The following GOLGB1 variants were observed in gnomAD, a reference collection of about 807,000 sequenced individuals.
GOLGB1 encodes the protein golgin subfamily B member 1.
GOLGB1 carries 174 observed loss-of-function variants against 336.9 expected under a neutral mutation model. The observed-to-expected ratio is 0.52, with a 90% CI of 0.46 to 0.59. GOLGB1 has a LOEUF of 0.59. Among genes scored for constraint, GOLGB1 ranks in the 20% least tolerant of loss-of-function variants. The probability of loss-of-function intolerance (pLI) is 0.00; values close to 1 mark genes in which losing one functional copy is unlikely to be tolerated. For synonymous variants in GOLGB1, 1,208 were observed against 1,289.2 expected, an observed-to-expected ratio of 0.94 and a Z score of 1.35; for missense variants, 3,331 against 3,645.3, an observed-to-expected ratio of 0.91 and a Z score of 2.22.
intron 14 of GOLGB1, among the ~76,000 whole-genome samples, chr3:121,686,564 T>C (rs1052049712): frequency 6.6e-6 from 1 of 152,176 alleles, no homozygotes; most frequent in Non-Finnish European, 1.5e-5. Context: ...CTTAGTCAGT[T>C]CTATGCTAAA....
rs1942991677 is a variant in GOLGB1, at chr3:121,696,856, G to A, written c.3667C>T (p.Gln1223Ter). The A allele has an allele frequency of 6.2e-7, 1 of 1,613,996 alleles. No homozygotes were observed. The highest frequency in any genetic ancestry group is 1.7e-5 in the Admixed American group (1 of 60,004). ...TTTTCCTTGCTTTGCTCATCAAACT[G>A]TTCTTGCAAGCGATTATAGTCATCT... Reference protein sequence around the residue: ...QKDDYNRLQEQFDEQSKENEN... With the variant: ...QKDDYNRLQE Residue 1223 changes from glutamine to a stop codon, truncating the protein, a stop_gained, in exon 13 of 22, where the codon CAG (glutamine) becomes TAG (stop). Coordinates refer to ENST00000614479, the MANE Select transcript of GOLGB1 (RefSeq NM_001366282.2). LOFTEE classifies it high-confidence loss of function.
At chr3:121,706,733 C>CAAAAAAAAAAAAA (rs1200925309) in intron 10 of GOLGB1, among the ~76,000 whole-genome samples, 3 of 16,158 alleles carry the variant, frequency 1.9e-4, no homozygotes, top group African/African-American at 2.6e-4. Flanking sequence ...GACTCTGTCT[C>CAAAAAAAAAAAAA]AAAAAAAAAA....
rs1942919949 is a variant in GOLGB1 at position 121,696,125 on chromosome 3, A to G, written c.4398T>C (p.Leu1466=). The change falls in exon 13 of 22, where the codon CTT becomes CTC. Residue 1466 remains leucine, a synonymous_variant. Coordinates refer to ENST00000614479, the MANE Select transcript of GOLGB1 (RefSeq NM_001366282.2). ...CTTCTGGTTTTTGCTTCATTTCACAAAGTTCCACCTGTAGCTGCTTTATCC... is the reference window on the plus strand; with the variant it reads ...CTTCTGGTTTTTGCTTCATTTCACAGAGTTCCACCTGTAGCTGCTTTATCC... The part of the protein sequence containing the change: ...DERIKQLQVE[L]CEMKQKPEEI... 1 of 1,613,874 alleles carries G rather than the reference A, an allele frequency of 6.2e-7. No individual in the cohort carries two copies. The highest frequency in any genetic ancestry group is 1.3e-5 in the African/African-American group (1 of 74,878).
rs564362585 is a variant in GOLGB1, at chr3:121,736,585, A to G, written c.-2-5612T>C. ...AAACTAAGAAACAGTCACAGATTAG[A>G]GAAGACAAGGAGACATGCTGATTAA... On this transcript the variant is annotated intron_variant, in intron 1 of 21. Coordinates refer to ENST00000614479, the MANE Select transcript of GOLGB1 (RefSeq NM_001366282.2). 8.5e-5 allele frequency among the ~76,000 whole-genome samples: 13 copies of G among 152,306 alleles called. No individual in the cohort carries two copies. In the South Asian group the frequency reaches 2.5e-3, roughly 29 times the overall value.
At chr3:121,730,239 T>C (rs1242810006) in intron 2 of GOLGB1, 1 of 384,062 alleles carries the variant, frequency 2.6e-6, no homozygotes, top group Non-Finnish European at 4.6e-6. Flanking sequence ...TAAGGTATTA[T>C]TATCCTAATT....
chr3:121,690,622 G>C, intron 14 of GOLGB1, 48 bp downstream of exon 14: 1 of 955,814 alleles, frequency 1.0e-6, no homozygotes, highest in Non-Finnish European at 1.5e-6. Flanking sequence ...TTTAAAGAAA[G>C]GTTCAAAAAC....
chr3:121,731,318 C>T (rs559292652), intron 1 of GOLGB1, among the ~76,000 whole-genome samples: 1 of 151,940 alleles, frequency 6.6e-6, no homozygotes. Flanking sequence ...CTTTAATGCC[C>T]TTCTTTCATA....
At chr3:121,737,745 T>C (rs1396959857) in intron 1 of GOLGB1, among the ~76,000 whole-genome samples, 1 of 152,156 alleles carries the variant, frequency 6.6e-6, no homozygotes, top group Non-Finnish European at 1.5e-5. Context: ...AGTTTTCTTC[T>C]ACTGGGGATA....
chr3:121,721,562 G>C (rs1945200770), intron 6 of GOLGB1, among the ~76,000 whole-genome samples: 1 of 152,222 alleles, frequency 6.6e-6, no homozygotes, highest in African/African-American at 2.4e-5. Context: ...GAGCCCAGGA[G>C]ACTGAGGCTG....
intron 10 of GOLGB1, among the ~76,000 whole-genome samples, chr3:121,707,167 C>T (rs1207388481): frequency 7.1e-6 from 1 of 140,170 alleles, no homozygotes; most frequent in Non-Finnish European, 1.5e-5. Flanking sequence ...GCGGAGATTG[C>T]AGTGAGTCAA....
intron 14 of GOLGB1, among the ~76,000 whole-genome samples, chr3:121,690,059 T>C (rs990563296): frequency 1.7e-4 from 26 of 152,228 alleles, no homozygotes; most frequent in Non-Finnish European, 2.9e-4. Flanking sequence ...TTTTCTCCCA[T>C]TGGAAATGTT....
intron 17 of GOLGB1, among the ~76,000 whole-genome samples, chr3:121,675,444 A>G (rs1156428003): frequency 6.6e-6 from 1 of 152,244 alleles, no homozygotes; most frequent in Non-Finnish European, 1.5e-5. Context: ...ATGTCCTTCA[A>G]CAGAATAGAG....
chr3:121,691,224 C>T lies in GOLGB1; in HGVS notation c.8140G>A (p.Ala2714Thr). The change falls in exon 14 of 22, where the codon GCA (alanine) becomes ACA (threonine). Residue 2714 changes from alanine (A) to threonine (T), a missense_variant. Physicochemically the swap from Ala to Thr is moderately conservative, Grantham distance 58. Coordinates refer to ENST00000614479, the MANE Select transcript of GOLGB1 (RefSeq NM_001366282.2). The stretch of plus-strand genomic sequence containing the variant: ...TGTTCCATCTCCACCAAATCTCTTG[C>T]TAGCTCTGCCACTCTCTCTTCTGCT... Reference protein sequence around the residue: ...ETAEERVAELARDLVEMEQKL... With the variant: ...ETAEERVAELTRDLVEMEQKL... 6.2e-7 allele frequency: 1 copy of T among 1,614,002 alleles called. No homozygotes were observed. Among genetic ancestry groups the T allele is most frequent in the Non-Finnish European group, 8.5e-7 (1 of 1,180,002 alleles).
rs774502914 is a variant in GOLGB1, at chr3:121,696,217, C to T, written c.4306G>A (p.Glu1436Lys). The change falls in exon 13 of 22, where the codon GAA (glutamate) becomes AAA (lysine). Residue 1436 changes from glutamate (E) to lysine (K), a missense_variant. Transcript: ENST00000614479. The stretch of plus-strand genomic sequence containing the variant: ...AGAGCCTTAATTAAATCTTCTTGTT[C>T]TATTATCTCTGTCTGTATTTTAGTG... ...ALTKIQTEII[E>K]QEDLIKALHT... The T allele has an allele frequency of 3.7e-6, 6 of 1,613,998 alleles. No individual in the cohort carries two copies. In the South Asian group the frequency reaches 6.6e-5, roughly 18 times the overall value.
chr3:121,689,966 C>T (rs1560207467), intron 14 of GOLGB1, among the ~76,000 whole-genome samples: 1 of 152,156 alleles, frequency 6.6e-6, no homozygotes, highest in Non-Finnish European at 1.5e-5. Context: ...CCAGTTTTGC[C>T]CCTGAATCTT....
At chr3:121,703,761 G>C (rs1416525253) in intron 10 of GOLGB1, among the ~76,000 whole-genome samples, 1 of 151,908 alleles carries the variant, frequency 6.6e-6, no homozygotes, top group Non-Finnish European at 1.5e-5. Flanking sequence ...CACACATAAA[G>C]AAATAGGAAA....
rs200203855 is a variant in GOLGB1 at position 121,695,200 on chromosome 3, G to T, written c.5323C>A (p.Gln1775Lys). 5 of 1,612,542 alleles carry T rather than the reference G, an allele frequency of 3.1e-6. No individual in the cohort carries two copies. The highest frequency in any genetic ancestry group is 1.7e-4 in the Middle Eastern group (1 of 6,054). ...TTCTCGGTGGCCTCTAGGTTAGCTTGTTTAGATACATTACCTTCTATCTGA... is the reference window on the plus strand; with the variant it reads ...TTCTCGGTGGCCTCTAGGTTAGCTTTTTTAGATACATTACCTTCTATCTGA... The part of the protein sequence containing the change: ...KHQIEGNVSK[Q>K]ANLEATEKHD... The change falls in exon 13 of 22, where the codon CAA becomes AAA. Residue 1775 changes from glutamine to lysine, a missense_variant. Physicochemically the swap from Gln to Lys is moderately conservative, Grantham distance 53. Transcript: ENST00000614479.
At chr3:121,701,021 G>A (rs1451650205) in intron 11 of GOLGB1, among the ~76,000 whole-genome samples, 1 of 152,132 alleles carries the variant, frequency 6.6e-6, no homozygotes, top group Non-Finnish European at 1.5e-5. Context: ...AGCCACCATA[G>A]ATGAGACAAG....
chr3:121,712,763 T>C (rs185467530), intron 10 of GOLGB1, among the ~76,000 whole-genome samples: 106 of 152,296 alleles, frequency 7.0e-4, no homozygotes, highest in Admixed American at 3.3e-3. Context: ...GAAATACCAC[T>C]ACATACCCAT....
Sources: allele counts gnomAD v4.1 joint callset (sites outside exome capture counted in the v4.1 genomes callset), GRCh38; gene constraint gnomAD v4.1.1; transcripts MANE v1.5; gene names NCBI Gene and HGNC (gene_info 2026-07-23, HGNC 2026-07-21).